The following ROBO2 variants were observed in gnomAD, a reference collection of about 807,000 sequenced individuals.
The protein encoded by ROBO2 is roundabout homolog 2.
In ROBO2, 53 loss-of-function variants were observed where a neutral mutation model predicts 160.8. That is an observed-to-expected ratio of 0.33 (90% CI 0.26 to 0.41). The LOEUF is 0.41. Among genes scored for constraint, ROBO2 ranks in the 10% least tolerant of loss-of-function variants. The pLI is 1.00. For missense variants in ROBO2, 1,577 were observed against 1,722.4 expected (o/e 0.92, Z 1.49); for synonymous variants, 664 against 611.7 (o/e 1.09, Z -1.26).
intron 2 of ROBO2, among the ~76,000 whole-genome samples, chr3:77,330,195 T>C (rs2065840420): frequency 6.6e-6 from 1 of 152,206 alleles, no homozygotes; most frequent in African/African-American, 2.4e-5. Flanking sequence ...TTATGATTAA[T>C]AATCTTTCAA....
chr3:76,276,657 G>A lies in ROBO2; in HGVS notation c.109+339055G>A, dbSNP rs559488206. Among the ~76,000 whole-genome samples the A allele has an allele frequency of 2.9e-4, 44 of 151,902 alleles. No homozygotes were observed. In the South Asian group the frequency reaches 3.3e-3, roughly 11 times the overall value. On this transcript the variant is annotated intron_variant, in intron 2 of 26. Transcript: ENST00000487694. ...AGGCAATAGATTATTGAACAATCAC[G>A]TTGCTTAAATGAAGAAAGGCTTACC...
intron 2 of ROBO2, among the ~76,000 whole-genome samples, chr3:77,230,371 A>T (rs1197201523): frequency 2.6e-5 from 4 of 152,180 alleles, no homozygotes; most frequent in African/African-American, 4.8e-5. Flanking sequence ...GACGTGAGCC[A>T]CCACACCTGG....
chr3:77,378,399 C>T (rs1347466803), intron 2 of ROBO2, among the ~76,000 whole-genome samples: 1 of 152,156 alleles, frequency 6.6e-6, no homozygotes, highest in African/African-American at 2.4e-5. Flanking sequence ...TAAGGACTTG[C>T]TCAAGAAAAC....
In ROBO2 at chr3:76,592,574, G is replaced by A. The variant is rs1343747984; in HGVS notation, c.110-505440G>A. Among the ~76,000 whole-genome samples, 6 of 152,122 alleles carry A rather than the reference G, an allele frequency of 3.9e-5. No individual in the cohort carries two copies. The East Asian group carries it at 5.8e-4, about 15-fold the overall frequency. On this transcript the variant is annotated intron_variant, in intron 2 of 26. Coordinates refer to the ROBO2 transcript ENST00000487694. ...TCAAATATGTTATCAAAATACCAACGTGTATTCCTCCAGCCATTCAAACCT... is the reference window on the plus strand; with the variant it reads ...TCAAATATGTTATCAAAATACCAACATGTATTCCTCCAGCCATTCAAACCT...
At chr3:76,714,705 T>C (rs908683798) in intron 2 of ROBO2, among the ~76,000 whole-genome samples, 1 of 152,242 alleles carries the variant, frequency 6.6e-6, no homozygotes, top group African/African-American at 2.4e-5. Flanking sequence ...ACACCAGACT[T>C]AAGTAGGATA....
intron 2 of ROBO2, among the ~76,000 whole-genome samples, chr3:76,158,421 T>C (rs2072493246): frequency 6.7e-6 from 1 of 150,144 alleles, no homozygotes; most frequent in Admixed American, 6.7e-5. Context: ...CAGACCAAAG[T>C]CCACATATTT....
At chr3:76,104,855 T>G (rs971138205) in intron 2 of ROBO2, among the ~76,000 whole-genome samples, 8 of 152,226 alleles carry the variant, frequency 5.3e-5, no homozygotes, top group Non-Finnish European at 1.2e-4. Context: ...TTACCCATAA[T>G]TAGCTTATTA....
chr3:76,213,045 G>A (rs986834286), intron 2 of ROBO2, among the ~76,000 whole-genome samples: 7 of 152,074 alleles, frequency 4.6e-5, no homozygotes, highest in South Asian at 2.1e-4. Context: ...AGGTAGGAAC[G>A]CATATACTAC....
rs556680152 is a variant in ROBO2 at position 77,583,793 on chromosome 3, T to C, written c.2500+3675T>C. ...TAAAATTTTGTGATCTTTTGAAGCA[T>C]GTTTGTGTCCTAGCAGGCACATACA... is the stretch of plus-strand genomic sequence containing the variant. On this transcript the variant is annotated intron_variant, in intron 16 of 25. Transcript: ENST00000461745. Among the ~76,000 whole-genome samples the C allele has an allele frequency of 7.2e-5, 11 of 152,324 alleles. No individual in the cohort carries two copies. The South Asian group carries it at 2.3e-3, about 32-fold the overall frequency.
chr3:76,020,786 T>G (rs1294934840), intron 2 of ROBO2, among the ~76,000 whole-genome samples: 1 of 151,906 alleles, frequency 6.6e-6, no homozygotes, highest in African/African-American at 2.4e-5. Flanking sequence ...GTGGTTATTT[T>G]CTATCTTGCT....
rs557772303 is a variant in ROBO2 at position 77,171,407 on chromosome 3, C to T, written c.388+73067C>T. ...AAATTTTGGGAAGTTTAGAGGATAA[C>T]AAGAATTGTTGGCATTCTTTCTACT... On this transcript the variant is annotated intron_variant, in intron 2 of 25. Transcript: ENST00000461745. Among the ~76,000 whole-genome samples the T allele has an allele frequency of 2.0e-5, 3 of 152,140 alleles. No individual in the cohort carries two copies. In the South Asian group the frequency reaches 6.2e-4, roughly 32 times the overall value.
chr3:76,903,843 T>C (rs926091853), intron 2 of ROBO2, among the ~76,000 whole-genome samples: 4 of 152,192 alleles, frequency 2.6e-5, no homozygotes, highest in Non-Finnish European at 5.9e-5. Flanking sequence ...AATATTTTTC[T>C]AGAAACTGAA....
At chr3:75,984,924 C>T (rs1003517277) in intron 2 of ROBO2, among the ~76,000 whole-genome samples, 1 of 151,372 alleles carries the variant, frequency 6.6e-6, no homozygotes, top group African/African-American at 2.4e-5. Flanking sequence ...ACACTTGGAA[C>T]ATAAGGGTAA....
intron 24 of ROBO2, among the ~76,000 whole-genome samples, chr3:77,637,097 A>G (rs1042410284): frequency 1.3e-5 from 2 of 152,234 alleles, no homozygotes; most frequent in African/African-American, 4.8e-5. Context: ...CATTAGAACC[A>G]TCTGGAAAGC....
chr3:76,612,121 C>T (rs9853538), intron 2 of ROBO2, among the ~76,000 whole-genome samples: 13,839 of 152,158 alleles, frequency 0.091, 1,235 homozygotes, highest in African/African-American at 0.24. Flanking sequence ...AAGAAGATAC[C>T]TGATATGATT....
intron 6 of ROBO2, among the ~76,000 whole-genome samples, chr3:77,536,410 C>G (rs935631640): frequency 5.9e-5 from 9 of 151,942 alleles, no homozygotes; most frequent in African/African-American, 2.2e-4. Context: ...TCTTTTCTCT[C>G]TCCTTCTTTT....
At chr3:76,952,508 T>C (rs2079019470) in intron 2 of ROBO2, among the ~76,000 whole-genome samples, 1 of 152,066 alleles carries the variant, frequency 6.6e-6, no homozygotes, top group South Asian at 2.1e-4. Flanking sequence ...GGTCTTGATC[T>C]CTTGACCTCG....
intron 2 of ROBO2, among the ~76,000 whole-genome samples, chr3:76,956,632 C>T (rs2079291638): frequency 6.6e-6 from 1 of 151,302 alleles, no homozygotes; most frequent in Non-Finnish European, 1.5e-5. Context: ...CCCCAAGGAA[C>T]CATACAAACC....
chr3:76,114,467 ATAT>A, intron 2 of ROBO2, among the ~76,000 whole-genome samples: 1 of 152,260 alleles, frequency 6.6e-6, no homozygotes, highest in Middle Eastern at 3.4e-3. Context: ...ACATCAAATA[ATAT>A]TTTAATGGCT....
Sources: allele counts gnomAD v4.1 joint callset (sites outside exome capture counted in the v4.1 genomes callset), GRCh38; gene constraint gnomAD v4.1.1; transcripts MANE v1.5; gene names NCBI Gene and HGNC (gene_info 2026-07-23, HGNC 2026-07-21).